Variants in SEC31A observed in about 807,000 individuals in gnomAD.
SEC31A encodes SEC31 homolog A, COPII component.
A neutral mutation model predicts 151.0 loss-of-function variants in SEC31A; 70 were observed. The ratio of observed to expected loss-of-function variants is 0.46; its 90% CI spans 0.38 to 0.57. The LOEUF is 0.57. SEC31A is among the 20% of genes least tolerant of loss of function. SEC31A has a pLI of 0.00. For missense variants in SEC31A, 1,330 were observed against 1,471.2 expected, an observed-to-expected ratio of 0.90 and a Z score of 1.57; for synonymous variants, 475 against 505.9, an observed-to-expected ratio of 0.94 and a Z score of 0.82.
Position 82,827,917 on chromosome 4 carries a change from GCTTTT to G in SEC31A, c.3028-290_3028-286del, listed in dbSNP as rs368724662. ...CCAATAAAGCGGAGCTAAAACCATG[GCTTTT>G]TTTTTTTTTTGAGATAGAGTCCCGC... On this transcript the variant is annotated intron_variant, in intron 23 of 26. Transcript: ENST00000395310. 9.6e-3 allele frequency among the ~76,000 whole-genome samples: 1,444 copies of G among 151,000 alleles called. 28 individuals are homozygous for G. The highest frequency in any genetic ancestry group is 0.034 in the African/African-American group (1,387 of 41,208).
intron 25 of SEC31A, chr4:82,821,599 A>G (rs1723374514): frequency 6.6e-6 from 1 of 151,640 alleles, no homozygotes; most frequent in East Asian, 1.9e-4. Flanking sequence ...TAGAACAGAG[A>G]TCAATCATCT....
chr4:82,870,154 G>A (rs1168455781), intron 8 of SEC31A, among the ~76,000 whole-genome samples, 171 bp downstream of exon 8: 1 of 152,178 alleles, frequency 6.6e-6, no homozygotes, highest in African/African-American at 2.4e-5. Context: ...TTAAAAAGCT[G>A]AGTTTAGATT....
intron 13 of SEC31A, 52 bp from the exon 14 acceptor site, chr4:82,861,760 G>A (rs1578278519): frequency 8.0e-7 from 1 of 1,250,812 alleles, no homozygotes; most frequent in South Asian, 1.3e-5. Context: ...AGTATTAAAA[G>A]GCTATTAGTG....
Position 82,864,414 on chromosome 4 carries a change from T to A in SEC31A, c.1382A>T (p.Lys461Ile), listed in dbSNP as rs777133372. The A allele has an allele frequency of 1.1e-5, 17 of 1,614,120 alleles. No individual in the cohort carries two copies. Among genetic ancestry groups the A allele is most frequent in the Non-Finnish European group, 1.3e-5 (15 of 1,180,042 alleles). The change falls in exon 11 of 27, where the codon AAA (lysine) becomes ATA (isoleucine). Residue 461 changes from lysine to isoleucine, a missense_variant. By Grantham distance (102) the Lys-to-Ile change is moderately radical (BLOSUM62 -3). Transcript: ENST00000395310. ...SQGFINYCQK[K>I]IDASQTEFEK... ...AAATTCAGTCTGAGAAGCATCAATT[T>A]TTTTTTGGCAATAATTGATAAATCC...
At chr4:82,857,625 T>G in intron 15 of SEC31A, 64 bp downstream of exon 15, 1 of 1,056,850 alleles carries the variant, frequency 9.5e-7, no homozygotes, top group Non-Finnish European at 1.5e-6. Flanking sequence ...TTAACTTAAA[T>G]GCAGGAACTA....
intron 20 of SEC31A, among the ~76,000 whole-genome samples, chr4:82,845,628 A>G (rs1409582378): frequency 1.3e-5 from 2 of 152,014 alleles, no homozygotes; most frequent in Non-Finnish European, 2.9e-5. Context: ...AGAGAAGGAA[A>G]AAAGACATTC....
In SEC31A at chr4:82,842,294, GC is replaced by G; in HGVS notation, c.2813del (p.Ser938ThrfsTer64). On this transcript the variant is annotated frameshift_variant, in exon 22 of 27. Coordinates refer to ENST00000395310, the MANE Select transcript of SEC31A (RefSeq NM_001077207.4). LOFTEE classifies it high-confidence loss of function. ...AQHQASSPTS[S>X]PATSFPPPPS... Reference sequence around the variant, plus strand: ...GGGGAGGAGGGAAAGAAGTAGCAGGGCTGGAGGTAGGTGAAGAGGCCTGGTG... The same window carrying G: ...GGGGAGGAGGGAAAGAAGTAGCAGGGTGGAGGTAGGTGAAGAGGCCTGGTG... The G allele has an allele frequency of 6.2e-7, 1 of 1,613,734 alleles. No homozygotes were observed. Among genetic ancestry groups the G allele is most frequent in the Non-Finnish European group, 8.5e-7 (1 of 1,179,844 alleles).
At chr4:82,874,301 A>G (rs1304612350) in intron 6 of SEC31A, among the ~76,000 whole-genome samples, 1 of 88,882 alleles carries the variant, frequency 1.1e-5, no homozygotes, top group Non-Finnish European at 2.5e-5. Context: ...CCGTCTCAAG[A>G]AAAAAAAAAA....
At chr4:82,897,328 C>T (rs1436845931) in intron 3 of SEC31A, among the ~76,000 whole-genome samples, 1 of 151,994 alleles carries the variant, frequency 6.6e-6, no homozygotes, top group African/African-American at 2.4e-5. Context: ...AATGATATAA[C>T]AATAATTTCA....
chr4:82,836,941 G>A (rs1001699610), intron 22 of SEC31A, among the ~76,000 whole-genome samples: 3 of 151,566 alleles, frequency 2.0e-5, no homozygotes, highest in Non-Finnish European at 4.4e-5. Flanking sequence ...CACAAAGAAT[G>A]ACAAACGCTT....
chr4:82,842,073 C>A, intron 22 of SEC31A, 67 bp downstream of exon 22: 1 of 1,256,200 alleles, frequency 8.0e-7, no homozygotes, highest in Non-Finnish European at 1.1e-6. Flanking sequence ...TAATACCCCT[C>A]CATCCACCCA....
chr4:82,852,924 T>C (rs530058676), intron 18 of SEC31A, among the ~76,000 whole-genome samples: 120 of 152,162 alleles, frequency 7.9e-4, no homozygotes, highest in African/African-American at 2.8e-3. Context: ...TAGATTCTGA[T>C]AAGGAGGATA....
chr4:82,869,286 A>G (rs889168269), intron 8 of SEC31A, among the ~76,000 whole-genome samples: 2 of 147,698 alleles, frequency 1.4e-5, no homozygotes, highest in African/African-American at 5.1e-5. Flanking sequence ...CGTCCAGCTA[A>G]TTTTTTTGTA....
rs1733959226 is a variant in SEC31A, at chr4:82,860,771, C to G, written c.1626+860G>C. 2.0e-5 allele frequency among the ~76,000 whole-genome samples: 3 copies of G among 152,060 alleles called. No individual in the cohort carries two copies. In the South Asian group the frequency reaches 6.2e-4, roughly 31 times the overall value. ...ATTACAGGCATAAGCAAACATCATG[C>G]CTGGCCTAGTTCAAAGTTTTAGTAA... is the stretch of plus-strand genomic sequence containing the variant. On this transcript the variant is annotated intron_variant, in intron 14 of 26. Transcript: ENST00000395310.
intron 23 of SEC31A, among the ~76,000 whole-genome samples, chr4:82,828,649 T>C (rs375349476): frequency 2.9e-5 from 2 of 70,070 alleles, no homozygotes; most frequent in African/African-American, 1.1e-4. Context: ...TGATTACTAG[T>C]AGAACCCAAA....
At chr4:82,846,366 C>CATCATCATAATAATAATA (rs1553928443) in intron 20 of SEC31A, among the ~76,000 whole-genome samples, 6 of 140,538 alleles carry the variant, frequency 4.3e-5, no homozygotes, top group African/African-American at 1.6e-4. Flanking sequence ...AACTCCAAAA[C>CATCATCATAATAATAATA]ATAATAATAA....
At chr4:82,866,488 C>CA (rs1483429517) in intron 10 of SEC31A, among the ~76,000 whole-genome samples, 1 of 150,696 alleles carries the variant, frequency 6.6e-6, no homozygotes, top group Non-Finnish European at 1.5e-5. Flanking sequence ...AACAAACAAA[C>CA]AAAAAAATGG....
At chr4:82,838,551 G>A (rs1216160711) in intron 22 of SEC31A, among the ~76,000 whole-genome samples, 2 of 152,082 alleles carry the variant, frequency 1.3e-5, no homozygotes, top group African/African-American at 2.4e-5. Flanking sequence ...AATCTCCCTC[G>A]CGTACCACTT....
intron 8 of SEC31A, among the ~76,000 whole-genome samples, chr4:82,868,361 C>T (rs1393802124): frequency 1.3e-5 from 2 of 151,910 alleles, no homozygotes; most frequent in Non-Finnish European, 2.9e-5. Flanking sequence ...ATTGGCCAGG[C>T]ACGGTGCTGC....
Sources: allele counts gnomAD v4.1 joint callset (sites outside exome capture counted in the v4.1 genomes callset), GRCh38; gene constraint gnomAD v4.1.1; transcripts MANE v1.5; gene names NCBI Gene and HGNC (gene_info 2026-07-23, HGNC 2026-07-21).